Variants in NFIA observed in about 807,000 individuals in gnomAD.
NFIA encodes nuclear factor I A, also known as nuclear factor 1 A-type.
A neutral mutation model predicts 62.8 loss-of-function variants in NFIA; 8 were observed. The ratio of observed to expected loss-of-function variants is 0.13; its 90% confidence interval spans 0.07 to 0.23. The LOEUF (loss-of-function observed/expected upper bound fraction) is 0.23. NFIA is among the 10% of genes least tolerant of loss of function. The pLI is 1.00. For synonymous variants in NFIA, 235 were observed against 238.1 expected, an observed-to-expected ratio of 0.99 and a Z score of 0.12; for missense variants, 410 against 642.1, an observed-to-expected ratio of 0.64 and a Z score of 3.91.
At chr1:61,372,810 T>C (rs1028389154) in intron 6 of NFIA, among the ~76,000 whole-genome samples, 2 of 152,148 alleles carry the variant, frequency 1.3e-5, no homozygotes, top group East Asian at 1.9e-4. Flanking sequence ...ATTTGAAGTA[T>C]TTTTAAGCTT....
In NFIA at chr1:61,404,239, G is replaced by C. The variant is rs760170429; in HGVS notation, c.1211G>C (p.Cys404Ser). ...CTGAAAGAATTTGTCCAACTTGTCT[G>C]CCCTGATGCTGGTCAGCAGGCTGGA... ...ETLKEFVQLVCPDAGQQAGQV... is the reference protein window; with the variant it reads ...ETLKEFVQLVSPDAGQQAGQV... Residue 404 changes from cysteine (C) to serine (S), a missense_variant, in exon 8 of 11, where the codon TGC becomes TCC. Coordinates refer to ENST00000403491, the MANE Select transcript of NFIA (RefSeq NM_001134673.4). 2.5e-6 allele frequency: 4 copies of C among 1,614,184 alleles called. No individual in the cohort carries two copies. The East Asian group carries it at 6.7e-5, about 27-fold the overall frequency.
At position 61,192,552 on chromosome 1, in the gene NFIA, AAT is replaced by A. The variant is rs1570352071; in HGVS notation, c.560-84967_560-84966del. On this transcript the variant is annotated intron_variant, in intron 2 of 10. Coordinates refer to ENST00000403491, the MANE Select transcript of NFIA (RefSeq NM_001134673.4). ...CCATGACTACTAAAAATACAAAAAA[AAT>A]TAGCTGAGCGTGGTGGTGGGCGCCT... is the stretch of plus-strand genomic sequence containing the variant. 3.9e-5 allele frequency among the ~76,000 whole-genome samples: 6 copies of A among 152,058 alleles called. No homozygotes were observed. In the South Asian group the frequency reaches 1.3e-3, roughly 32 times the overall value.
chr1:61,397,152 T>A (rs1482433571), intron 7 of NFIA, among the ~76,000 whole-genome samples: 1 of 152,168 alleles, frequency 6.6e-6, no homozygotes, highest in Non-Finnish European at 1.5e-5. Flanking sequence ...CTGGGTTAAA[T>A]CTCACAGTCT....
At chr1:61,092,346 C>T (rs2100421148) in intron 2 of NFIA, among the ~76,000 whole-genome samples, 1 of 152,298 alleles carries the variant, frequency 6.6e-6, no homozygotes, top group South Asian at 2.1e-4. Context: ...GTCCTAATGG[C>T]AGCAGTATGA....
chr1:61,349,264 T>C (rs1282119529), intron 4 of NFIA, among the ~76,000 whole-genome samples: 1 of 152,174 alleles, frequency 6.6e-6, no homozygotes. Context: ...TTAGAGCCTG[T>C]TACTGAGAGA....
chr1:61,316,315 A>G (rs1660364505), intron 3 of NFIA, among the ~76,000 whole-genome samples: 1 of 152,204 alleles, frequency 6.6e-6, no homozygotes. Context: ...ATAAGAGTTT[A>G]TATTCTAATT....
rs1369711631 is a variant in NFIA at position 61,359,682 on chromosome 1, CCTT to C, written c.946+414_946+416del. Reference sequence around the variant, plus strand: ...TGCAACCTCCTTCTCCCTGGTTCCTCCTTCTTCTGCCTCAGCCTCCCGAGTAGC... The same window carrying C: ...TGCAACCTCCTTCTCCCTGGTTCCTCCTTCTGCCTCAGCCTCCCGAGTAGC... On this transcript the variant is annotated intron_variant, in intron 6 of 10. Transcript: ENST00000403491. 3.3e-5 allele frequency among the ~76,000 whole-genome samples: 5 copies of C among 152,176 alleles called. No individual in the cohort carries two copies. The East Asian group carries it at 5.8e-4, about 18-fold the overall frequency.
chr1:61,370,284 G>T (rs1305073342), intron 6 of NFIA, among the ~76,000 whole-genome samples: 1 of 152,174 alleles, frequency 6.6e-6, no homozygotes, highest in Non-Finnish European at 1.5e-5. Flanking sequence ...ATTTCAAAAT[G>T]CTGGGAGAAT....
chr1:61,082,757 C>T lies in NFIA; in HGVS notation c.-35C>T, dbSNP rs1383838033. The T allele has an allele frequency of 1.3e-6, 2 of 1,552,658 alleles. No individual in the cohort carries two copies. Among genetic ancestry groups the T allele is most frequent in the Non-Finnish European group, 1.7e-6 (2 of 1,147,534 alleles). On this transcript the variant is annotated 5_prime_UTR_variant, in exon 1 of 11. Coordinates refer to ENST00000403491, the MANE Select transcript of NFIA (RefSeq NM_001134673.4). Reference sequence around the variant, plus strand: ...TCACGCACACCTCCAAACCGCACACCCAGACGCACACGCATACCCCAGCGC... The same window carrying T: ...TCACGCACACCTCCAAACCGCACACTCAGACGCACACGCATACCCCAGCGC...
At chr1:61,351,927 A>C (rs903755516) in intron 4 of NFIA, among the ~76,000 whole-genome samples, 1 of 152,218 alleles carries the variant, frequency 6.6e-6, no homozygotes, top group Non-Finnish European at 1.5e-5. Flanking sequence ...AGGTTGGACA[A>C]ATATTCAGTT....
intron 2 of NFIA, among the ~76,000 whole-genome samples, chr1:61,259,841 T>A (rs999197330): frequency 3.3e-5 from 5 of 152,218 alleles, no homozygotes; most frequent in Non-Finnish European, 5.9e-5. Context: ...TTAATGTTTT[T>A]AAATGACAAT....
At chr1:61,221,863 A>T (rs181607738) in intron 2 of NFIA, among the ~76,000 whole-genome samples, 120 of 152,264 alleles carry the variant, frequency 7.9e-4, no homozygotes, top group Non-Finnish European at 4.4e-4. Context: ...AGCCCGTATG[A>T]TGCTGTTGTC....
At chr1:61,191,614 C>CT (rs1001589954) in intron 2 of NFIA, among the ~76,000 whole-genome samples, 8 of 152,030 alleles carry the variant, frequency 5.3e-5, no homozygotes, top group African/African-American at 1.9e-4. Context: ...GTTTGAAAAA[C>CT]TTTGAGAAGT....
chr1:61,319,974 G>T (rs150587315), intron 3 of NFIA, among the ~76,000 whole-genome samples: 87 of 152,178 alleles, frequency 5.7e-4, no homozygotes, highest in South Asian at 2.7e-3. Context: ...CTCACTTCCA[G>T]CTGTTGTCAT....
intron 3 of NFIA, among the ~76,000 whole-genome samples, chr1:61,285,674 G>A (rs1052956551): frequency 6.6e-6 from 1 of 152,096 alleles, no homozygotes; most frequent in African/African-American, 2.4e-5. Context: ...AGGGGTGGAG[G>A]GTAGGGGGCA....
chr1:61,306,702 A>G (rs758965032), intron 3 of NFIA, among the ~76,000 whole-genome samples: 3 of 152,154 alleles, frequency 2.0e-5, no homozygotes, highest in Non-Finnish European at 2.9e-5. Context: ...TCCCCTGAAT[A>G]CTTCCTAGAT....
rs768624005 is a variant in NFIA at position 61,456,933 on chromosome 1, A to G, written c.*1613A>G. The G allele has an allele frequency of 6.6e-6, 1 of 152,040 alleles. No homozygotes were observed. Among genetic ancestry groups the G allele is most frequent in the Non-Finnish European group, 1.5e-5 (1 of 67,984 alleles). 9.4% of individuals were successfully genotyped at this position (152,040 alleles called of 1,614,324 possible). ...CCATGCGACTTCAAGAAGGTTTCCT[A>G]TACTATACATATATATACGTTCTGG... On this transcript the variant is annotated 3_prime_UTR_variant, in exon 11 of 11. Transcript: ENST00000403491.
At chr1:61,419,725 TTG>T (rs1666520093) in intron 9 of NFIA, among the ~76,000 whole-genome samples, 1 of 152,226 alleles carries the variant, frequency 6.6e-6, no homozygotes, top group Non-Finnish European at 1.5e-5. Context: ...TTCATGGTTT[TTG>T]TGACTTCTTG....
At position 61,273,730 on chromosome 1, in the gene NFIA, C is replaced by A. The variant is rs533035600; in HGVS notation, c.560-3790C>A. ...ACATTCTCAGATGGTTTGAACTCAC[C>A]TTACTACAGCATAATATTAATCACA... On this transcript the variant is annotated intron_variant, in intron 2 of 10. Coordinates refer to ENST00000403491, the MANE Select transcript of NFIA (RefSeq NM_001134673.4). Among the ~76,000 whole-genome samples, 14 of 152,250 alleles carry A rather than the reference C, an allele frequency of 9.2e-5. No homozygotes were observed. The South Asian group carries it at 2.9e-3, about 32-fold the overall frequency.
Sources: allele counts gnomAD v4.1 joint callset (sites outside exome capture counted in the v4.1 genomes callset), GRCh38; gene constraint gnomAD v4.1.1; transcripts MANE v1.5; gene names NCBI Gene and HGNC (gene_info 2026-07-23, HGNC 2026-07-21).